Variants in LIMS1 observed in about 807,000 individuals in gnomAD.
The protein encoded by LIMS1 is LIM and senescent cell antigen-like-containing domain protein 1.
In LIMS1, 18 loss-of-function variants were observed where a neutral mutation model predicts 44.1. The observed-to-expected ratio is 0.41, with a 90% CI of 0.28 to 0.61. The LOEUF (loss-of-function observed/expected upper bound fraction) is 0.61. LIMS1 is among the 20% of genes least tolerant of loss of function. The pLI, the probability that LIMS1 is intolerant of heterozygous loss-of-function variation, is 0.32. For synonymous variants in LIMS1, 93 were observed against 149.1 expected, an observed-to-expected ratio of 0.62 and a Z score of 2.74; for missense variants, 201 against 422.0, an observed-to-expected ratio of 0.48 and a Z score of 4.59.
intron 1 of LIMS1, among the ~76,000 whole-genome samples, chr2:108,645,522 C>T (rs371356269): frequency 1.3e-5 from 2 of 152,170 alleles, no homozygotes; most frequent in African/African-American, 2.4e-5. Flanking sequence ...ACAACCGGTA[C>T]GAGCCACTGC....
exon 10 of LIMS1, chr2:108,683,919 T>C: frequency 6.2e-7 from 1 of 1,600,814 alleles, no homozygotes; most frequent in South Asian, 1.1e-5. Flanking sequence ...GAAGCCAGTC[T>C]GTAAGAAGTG....
Position 108,594,085 on chromosome 2 carries a change from T to C in LIMS1, c.32+59491T>C, listed in dbSNP as rs980289513. ...GAGAAAATGAGCAGCAGCCAGAATTTTGAGATTAATTTTAATAATTTATTA... is the reference window on the plus strand; with the variant it reads ...GAGAAAATGAGCAGCAGCCAGAATTCTGAGATTAATTTTAATAATTTATTA... On this transcript the variant is annotated intron_variant, in intron 1 of 9. Coordinates refer to ENST00000544547, the Ensembl canonical transcript of LIMS1. 1.8e-4 allele frequency among the ~76,000 whole-genome samples: 27 copies of C among 152,078 alleles called. 3 individuals are homozygous for C. Among genetic ancestry groups the C allele is most frequent in the Non-Finnish European group, 4.4e-5 (3 of 68,020 alleles).
At chr2:108,551,630 A>ATATATATG (rs1389315820) in intron 1 of LIMS1, among the ~76,000 whole-genome samples, 2 of 144,910 alleles carry the variant, frequency 1.4e-5, no homozygotes, top group Admixed American at 7.1e-5. Context: ...ATATATGTGT[A>ATATATATG]TATATATGTA....
At chr2:108,561,537 T>C (rs1466349075) in intron 1 of LIMS1, among the ~76,000 whole-genome samples, 1 of 150,566 alleles carries the variant, frequency 6.6e-6, no homozygotes, top group Admixed American at 6.6e-5. Flanking sequence ...AAGATATACC[T>C]CATTTTATTG....
intron 2 of LIMS1, among the ~76,000 whole-genome samples, chr2:108,669,890 CAT>C (rs1266062930): frequency 6.6e-6 from 1 of 152,126 alleles, no homozygotes; most frequent in Non-Finnish European, 1.5e-5. Context: ...TTCAAGTAAA[CAT>C]AGTATAAAAA....
intron 1 of LIMS1, among the ~76,000 whole-genome samples, chr2:108,631,940 A>G (rs968624953): frequency 6.6e-6 from 1 of 152,118 alleles, no homozygotes; most frequent in Non-Finnish European, 1.5e-5. Context: ...ACCGCTTTGC[A>G]TATATGCCTC....
chr2:108,545,428 T>G (rs1349173631), intron 1 of LIMS1, among the ~76,000 whole-genome samples: 1 of 152,138 alleles, frequency 6.6e-6, no homozygotes, highest in Non-Finnish European at 1.5e-5. Context: ...AGAGACGCGG[T>G]TTCACCATGT....
intron 2 of LIMS1, among the ~76,000 whole-genome samples, chr2:108,663,686 A>G (rs1350840863): frequency 6.6e-6 from 1 of 152,128 alleles, no homozygotes; most frequent in African/African-American, 2.4e-5. Context: ...TGGATTTCAC[A>G]AATGTGTCCC....
intron 1 of LIMS1, among the ~76,000 whole-genome samples, chr2:108,538,141 C>CAAAAACTTTAATTTTAAGTTCCAAA (rs1196065535): frequency 5.3e-5 from 8 of 152,160 alleles, no homozygotes; most frequent in Non-Finnish European, 1.2e-4. Flanking sequence ...GGACTGTTGC[C>CAAAAACTTTAATTTTAAGTTCCAAA]ACATTGTCTT....
At chr2:108,610,066 C>G (rs1419575795) in intron 1 of LIMS1, among the ~76,000 whole-genome samples, 2 of 151,850 alleles carry the variant, frequency 1.3e-5, no homozygotes, top group East Asian at 1.9e-4. Context: ...TGGCGTGAAC[C>G]TGGGAGGTGG....
chr2:108,659,072 G>A, intron 1 of LIMS1: 13 of 647,210 alleles, frequency 2.0e-5, no homozygotes, highest in Non-Finnish European at 2.3e-5. Flanking sequence ...ACAGGACTGG[G>A]GCATCTTGGC....
intron 1 of LIMS1, among the ~76,000 whole-genome samples, chr2:108,561,494 G>C (rs1473970145): frequency 6.6e-6 from 1 of 152,052 alleles, no homozygotes; most frequent in Admixed American, 6.6e-5. Context: ...TTAGGGGTGG[G>C]GGTGTATGCA....
At chr2:108,583,099 C>T (rs1431437763) in intron 1 of LIMS1, among the ~76,000 whole-genome samples, 6 of 151,712 alleles carry the variant, frequency 4.0e-5, no homozygotes, top group Non-Finnish European at 8.8e-5. Context: ...AGTGCAGTGG[C>T]GTGATCTCAG....
intron 1 of LIMS1, among the ~76,000 whole-genome samples, chr2:108,611,731 T>C (rs1687615023): frequency 6.6e-6 from 1 of 151,112 alleles, no homozygotes. Context: ...ATACAGAAAT[T>C]AGCTGGGCGT....
At chr2:108,534,062 G>A (rs1470641055), upstream of LIMS1, 1 of 153,222 alleles carries the variant, frequency 6.5e-6, no homozygotes, top group Admixed American at 6.5e-5. Flanking sequence ...GAGGCAAGGA[G>A]AGCCGGGCCC....
intron 1 of LIMS1, among the ~76,000 whole-genome samples, chr2:108,587,787 C>A (rs957637874): frequency 6.6e-6 from 1 of 152,212 alleles, no homozygotes; most frequent in Non-Finnish European, 1.5e-5. Flanking sequence ...ATATGTGAGG[C>A]CTTAGCACCA....
Position 108,621,409 on chromosome 2 carries a change from C to T in LIMS1, c.33-38196C>T, listed in dbSNP as rs56186549. On this transcript the variant is annotated intron_variant, in intron 1 of 9. Coordinates refer to ENST00000544547, the Ensembl canonical transcript of LIMS1. The stretch of plus-strand genomic sequence containing the variant: ...ACATTCAGGTCTCTACAGGAGAAGA[C>T]GAGATCGCCCCGATAGTTTGAGAGT... 2.1e-3 allele frequency: 3,271 copies of T among 1,551,118 alleles called. 7 individuals are homozygous for T. Among genetic ancestry groups the T allele is most frequent in the Non-Finnish European group, 2.7e-3 (3,087 of 1,147,080 alleles).
intron 1 of LIMS1, among the ~76,000 whole-genome samples, chr2:108,545,785 A>C (rs1021912155): frequency 1.3e-5 from 2 of 152,196 alleles, no homozygotes; most frequent in Non-Finnish European, 2.9e-5. Context: ...AAATGGGAAA[A>C]TGACAGAACT....
chr2:108,573,355 A>G (rs1295596082), intron 1 of LIMS1, among the ~76,000 whole-genome samples: 1 of 147,640 alleles, frequency 6.8e-6, no homozygotes, highest in Non-Finnish European at 1.5e-5. Context: ...CCATGCTTTT[A>G]GAGTTTCCCA....
Sources: allele counts gnomAD v4.1 joint callset (sites outside exome capture counted in the v4.1 genomes callset), GRCh38; gene constraint gnomAD v4.1.1; transcripts MANE v1.5; gene names NCBI Gene and HGNC (gene_info 2026-07-23, HGNC 2026-07-21).